The following ZMYM2 variants were observed in gnomAD, a reference collection of about 807,000 sequenced individuals.
The protein encoded by ZMYM2 is zinc finger MYM-type containing 2, also known as zinc finger MYM-type protein 2.
A neutral mutation model predicts 162.8 loss-of-function variants in ZMYM2; 56 were observed. That is an observed-to-expected ratio of 0.34 (90% CI 0.28 to 0.43). ZMYM2 has a LOEUF of 0.43. Among genes scored for constraint, ZMYM2 ranks in the 20% least tolerant of loss-of-function variants. The pLI is 1.00. For synonymous variants in ZMYM2, 510 were observed against 541.6 expected (o/e 0.94, Z 0.81); for missense variants, 1,275 against 1,621.8 (o/e 0.79, Z 3.67).
chr13:20,081,175 G>C (rs774694224), intron 21 of ZMYM2, among the ~76,000 whole-genome samples: 1 of 151,742 alleles, frequency 6.6e-6, no homozygotes, highest in South Asian at 2.1e-4. Flanking sequence ...TCCACTATTG[G>C]TTTATTATTT....
At chr13:20,012,381 G>C (rs903762948) in intron 6 of ZMYM2, among the ~76,000 whole-genome samples, 4 of 152,060 alleles carry the variant, frequency 2.6e-5, no homozygotes, top group African/African-American at 9.7e-5. Context: ...GGTTTCACCA[G>C]GTTGGCAAGG....
intron 10 of ZMYM2, among the ~76,000 whole-genome samples, chr13:20,032,564 G>C (rs931397768): frequency 6.1e-5 from 9 of 148,318 alleles, no homozygotes; most frequent in African/African-American, 2.3e-4. Flanking sequence ...GTGAAAGGTG[G>C]TACCCAGAAC....
rs752477566 is a variant in ZMYM2 at position 19,993,286 on chromosome 13, T to C, written c.214T>C (p.Ser72Pro). The C allele has an allele frequency of 1.2e-6, 2 of 1,613,956 alleles. No individual in the cohort carries two copies. The highest frequency in any genetic ancestry group is 3.3e-5 in the Admixed American group (2 of 60,010). Reference sequence around the variant, plus strand: ...CGAACCTGTACAACCTCCCCCACCTTCTGTACCAGTGGTAGCTGATCAAAG... The same window carrying C: ...CGAACCTGTACAACCTCCCCCACCTCCTGTACCAGTGGTAGCTGATCAAAG... ...FIEPVQPPPP[S>P]VPVVADQRTI... The change falls in exon 3 of 25, where the codon TCT (serine) becomes CCT (proline). Residue 72 changes from serine to proline, a missense_variant. By Grantham distance (74) the Ser-to-Pro change is moderately conservative. This residue lies in a region of ZMYM2 where 295 missense variants were observed against 286.7 expected (regional missense o/e 1.03). Coordinates refer to ENST00000610343, the MANE Select transcript of ZMYM2 (RefSeq NM_197968.4).
chr13:19,935,195 T>A, the ZMYM2 span, among the ~76,000 whole-genome samples: 4 of 152,116 alleles, frequency 2.6e-5, no homozygotes, highest in Non-Finnish European at 5.9e-5. Flanking sequence ...AGTGCAGTGG[T>A]GCTATTTTGG....
intron 12 of ZMYM2, among the ~76,000 whole-genome samples, chr13:20,040,750 A>C (rs1460492481): frequency 6.6e-6 from 1 of 152,094 alleles, no homozygotes; most frequent in Non-Finnish European, 1.5e-5. Flanking sequence ...AGTGCTATAA[A>C]TTTCCCTCTC....
chr13:19,984,616 T>A (rs938336359), intron 2 of ZMYM2, among the ~76,000 whole-genome samples: 2 of 151,938 alleles, frequency 1.3e-5, no homozygotes, highest in Admixed American at 6.6e-5. Context: ...CTACATGGAG[T>A]AGATTTTACT....
At chr13:19,993,001 C>T in intron 2 of ZMYM2, 62 bp from the exon 3 acceptor site, 1 of 1,491,272 alleles carries the variant, frequency 6.7e-7, no homozygotes, top group Admixed American at 2.4e-5. Flanking sequence ...TCAATGGTTT[C>T]AGTTAGAGTA....
In ZMYM2 at chr13:20,058,591, C is replaced by T. The variant is rs1050881960; in HGVS notation, c.2510C>T (p.Pro837Leu). The T allele has an allele frequency of 3.1e-6, 5 of 1,613,682 alleles. No homozygotes were observed. The highest frequency in any genetic ancestry group is 3.4e-6 in the Non-Finnish European group (4 of 1,179,718). The part of the protein sequence containing the change: ...RTKMTGSAPP[P>L]SPTPNKEMKN... ...TCTCCATAGGGTTCAGCACCACCCC[C>T]TTCTCCAACACCTAACAAAGAGATG... Residue 837 changes from proline to leucine, a missense_variant, in exon 15 of 25, where the codon CCT becomes CTT. By Grantham distance (98) the Pro-to-Leu change is moderately conservative. Transcript: ENST00000610343.
intron 19 of ZMYM2, among the ~76,000 whole-genome samples, chr13:20,066,081 A>G (rs775768897): frequency 3.3e-5 from 5 of 152,234 alleles, no homozygotes; most frequent in Non-Finnish European, 7.3e-5. Flanking sequence ...TAGAAACATC[A>G]CATTTCCTGG....
chr13:19,908,715 C>T, the ZMYM2 span, among the ~76,000 whole-genome samples: 1 of 152,134 alleles, frequency 6.6e-6, no homozygotes, highest in Non-Finnish European at 1.5e-5. Context: ...AGAAGAGTGG[C>T]ATTAATTTAC....
rs1477873759 is a variant in ZMYM2 at position 20,086,555 on chromosome 13, C to A, written c.*541C>A. The A allele has an allele frequency of 4.8e-6, 1 of 208,238 alleles. No individual in the cohort carries two copies. The highest frequency in any genetic ancestry group is 9.8e-6 in the Non-Finnish European group (1 of 102,012). The allele number at this position is 208,238 out of a possible 1,614,324, so 12.9% of individuals were successfully genotyped here. On this transcript the variant is annotated 3_prime_UTR_variant, in exon 25 of 25. Transcript: ENST00000610343. ...TTACATTTTAGTTACTGAAGCCTTACAAGGTTATGTAGAGAGATACCATCT... is the reference window on the plus strand; with the variant it reads ...TTACATTTTAGTTACTGAAGCCTTAAAAGGTTATGTAGAGAGATACCATCT...
chr13:19,864,557 G>A, the ZMYM2 span: 1 of 154,106 alleles, frequency 6.5e-6, no homozygotes, highest in Non-Finnish European at 1.5e-5. Context: ...GGCTCCCTTG[G>A]AGCTGGGCTC....
At chr13:20,045,618 TAGG>T (rs1277964983) in intron 12 of ZMYM2, among the ~76,000 whole-genome samples, 1 of 152,214 alleles carries the variant, frequency 6.6e-6, no homozygotes, top group Non-Finnish European at 1.5e-5. Context: ...ACCCATTGTT[TAGG>T]AGGTTTTATT....
intron 18 of ZMYM2, among the ~76,000 whole-genome samples, chr13:20,063,264 G>A (rs773485133): frequency 3.3e-5 from 5 of 151,768 alleles, no homozygotes; most frequent in South Asian, 2.1e-4. Context: ...TTAGCCAGGC[G>A]TGGTGGTGCA....
At chr13:20,025,336 C>G (rs1022957318) in intron 7 of ZMYM2, 1 of 192,208 alleles carries the variant, frequency 5.2e-6, no homozygotes, top group Non-Finnish European at 1.1e-5. Context: ...TGACAGAGTT[C>G]TGCAACCACT....
Position 20,022,434 on chromosome 13 carries a change from T to G in ZMYM2, c.1584+2816T>G, listed in dbSNP as rs185732350. On this transcript the variant is annotated intron_variant, in intron 7 of 24. Coordinates refer to ENST00000610343, the MANE Select transcript of ZMYM2 (RefSeq NM_197968.4). ...GTCTATGTTTTCCATTATTGTGTGTTAACTTGTTTAAGGGGATGTCTGTCA... is the reference window on the plus strand; with the variant it reads ...GTCTATGTTTTCCATTATTGTGTGTGAACTTGTTTAAGGGGATGTCTGTCA... Among the ~76,000 whole-genome samples, 3 of 152,312 alleles carry G rather than the reference T, an allele frequency of 2.0e-5. No homozygotes were observed. The East Asian group carries it at 5.8e-4, about 29-fold the overall frequency.
chr13:19,945,780 TA>T, the ZMYM2 span, among the ~76,000 whole-genome samples: 6 of 149,336 alleles, frequency 4.0e-5, no homozygotes, highest in South Asian at 2.1e-4. Flanking sequence ...CTGTCTCTAC[TA>T]AAAAAAAATA....
chr13:20,039,405 TG>T (rs772018969), intron 12 of ZMYM2, among the ~76,000 whole-genome samples: 69 of 152,052 alleles, frequency 4.5e-4, no homozygotes, highest in Non-Finnish European at 8.5e-4. Context: ...TGATGTTCGC[TG>T]TGTGTTTGTC....
intron 3 of ZMYM2, among the ~76,000 whole-genome samples, chr13:20,000,827 T>TA (rs1950336028): frequency 6.6e-6 from 1 of 152,232 alleles, no homozygotes; most frequent in South Asian, 2.1e-4. Flanking sequence ...ATTTAAGAAA[T>TA]ACATTTTGTA....
Sources: allele counts gnomAD v4.1 joint callset (sites outside exome capture counted in the v4.1 genomes callset), GRCh38; gene constraint gnomAD v4.1.1; regional missense constraint gnomAD v4.1.1; transcripts MANE v1.5; gene names NCBI Gene and HGNC (gene_info 2026-07-23, HGNC 2026-07-21).